Variants in LRFN1 observed in about 807,000 individuals in gnomAD.
LRFN1 encodes the protein leucine-rich repeat and fibronectin type III domain-containing protein 1.
LRFN1 carries 20 observed loss-of-function variants against 31.8 expected under a neutral mutation model. That is an observed-to-expected ratio of 0.63 (90% CI 0.44 to 0.91). LRFN1 has a LOEUF of 0.91. Ranked by LOEUF, LRFN1 falls within the 40% of genes least tolerant of loss-of-function variation. The probability of loss-of-function intolerance (pLI) is 0.00; values close to 1 mark genes in which losing one functional copy is unlikely to be tolerated. For missense variants in LRFN1, 912 were observed against 1,129.8 expected (o/e 0.81, Z 2.76); for synonymous variants, 514 against 541.3 (o/e 0.95, Z 0.70).
Position 39,307,874 on chromosome 19 carries a change from C to T in LRFN1, c.2075G>A (p.Gly692Glu). 1 of 1,541,330 alleles carries T rather than the reference C, an allele frequency of 6.5e-7. No homozygotes were observed. Among genetic ancestry groups the T allele is most frequent in the Non-Finnish European group, 8.7e-7 (1 of 1,150,080 alleles). The change falls in exon 5 of 5, where the codon GGG (glycine) becomes GAG (glutamate). Residue 692 changes from glycine (G) to glutamate (E), a missense_variant. Coordinates refer to ENST00000248668, the MANE Select transcript of LRFN1 (RefSeq NM_020862.2). This position sits in a 1 kb window ranked among gnomAD's most constrained non-coding sequence, Gnocchi z 6.7. ...CGGCCTCGGCCGGGCCGCGGCTCCC[C>T]CAGGAACTAGAGCTAGAGTAGGGGG... ...SAPPTLALVP[G>E]GAAARPRPQQ...
rs1052960227 is a variant in LRFN1, at chr19:39,308,402, G to A, written c.1547C>T (p.Thr516Ile). 1.2e-6 allele frequency: 2 copies of A among 1,611,466 alleles called. No individual in the cohort carries two copies. Among genetic ancestry groups the A allele is most frequent in the Admixed American group, 1.7e-5 (1 of 59,852 alleles). Reference sequence around the variant, plus strand: ...GCAGGGCGCCGGATCCCCAGCGGTGGTGAACTGTACACAGCCCACCACTCG... The same window carrying A: ...GCAGGGCGCCGGATCCCCAGCGGTGATGAACTGTACACAGCCCACCACTCG... ...ATRVVGCVQFTTAGDPAPCRP... is the reference protein window; with the variant it reads ...ATRVVGCVQFITAGDPAPCRP... The change falls in exon 5 of 5, where the codon ACC becomes ATC. Residue 516 changes from threonine (T) to isoleucine (I), a missense_variant. Coordinates refer to ENST00000248668, the MANE Select transcript of LRFN1 (RefSeq NM_020862.2). The surrounding 1 kb of genome is among the most constrained non-coding windows in gnomAD (Gnocchi z 6.2).
chr19:39,309,227 G>C (rs1464291504), intron 4 of LRFN1, among the ~76,000 whole-genome samples: 2 of 152,148 alleles, frequency 1.3e-5, no homozygotes, highest in Non-Finnish European at 2.9e-5. Context: ...AGGCTAAGAA[G>C]GGTGGATCAC....
At chr19:39,312,071 T>C (rs1040834680) in intron 4 of LRFN1, among the ~76,000 whole-genome samples, 10 of 152,116 alleles carry the variant, frequency 6.6e-5, no homozygotes, top group African/African-American at 2.4e-4. Flanking sequence ...GGTTTCACCA[T>C]GTTGGCCAGG....
chr19:39,306,755 ACAC>A lies in LRFN1; in HGVS notation c.*875_*877del, dbSNP rs2075129894. The A allele has an allele frequency of 6.5e-6, 1 of 153,612 alleles. No homozygotes were observed. Among genetic ancestry groups the A allele is most frequent in the African/African-American group, 2.4e-5 (1 of 41,264 alleles). The allele number at this position is 153,612 out of a possible 1,614,324, so 9.5% of individuals were successfully genotyped here. A position where few individuals can be genotyped will look rare whatever the true frequency, so the allele number is the denominator to read the frequency against. Reference sequence around the variant, plus strand: ...AACACACACACACACACACACACACACACACACACACACACACTACACGCGGAC... The same window carrying A: ...AACACACACACACACACACACACACAACACACACACACACTACACGCGGAC... On this transcript the variant is annotated 3_prime_UTR_variant, in exon 5 of 5. Coordinates refer to ENST00000248668, the MANE Select transcript of LRFN1 (RefSeq NM_020862.2).
chr19:39,314,498 T>C lies in LRFN1; in HGVS notation c.839A>G (p.His280Arg). The part of the protein sequence containing the change: ...DDLETCATPE[H>R]LTDRYFWSIP... ...GGACCAGAAGTAGCGGTCGGTGAGGTGTTCGGGCGTGGCGCAGGTCTCTAA... is the reference window on the plus strand; with the variant it reads ...GGACCAGAAGTAGCGGTCGGTGAGGCGTTCGGGCGTGGCGCAGGTCTCTAA... Residue 280 changes from histidine to arginine, a missense_variant, in exon 4 of 5, where the codon CAC (histidine) becomes CGC (arginine). This residue lies in a region of LRFN1 where 401 missense variants were observed against 572.7 expected (regional missense o/e 0.70). Transcript: ENST00000248668. 2 of 1,610,010 alleles carry C rather than the reference T, an allele frequency of 1.2e-6. No homozygotes were observed. The highest frequency in any genetic ancestry group is 1.7e-6 in the Non-Finnish European group (2 of 1,179,012).
At chr19:39,312,800 C>CA (rs34184676) in intron 4 of LRFN1, among the ~76,000 whole-genome samples, 156 of 93,704 alleles carry the variant, frequency 1.7e-3, no homozygotes, top group Middle Eastern at 7.5e-3. Context: ...AAGACCCTGC[C>CA]AAAAAAAAAA....
chr19:39,317,277 T>C (rs1445881589), intron 2 of LRFN1, among the ~76,000 whole-genome samples: 1 of 151,788 alleles, frequency 6.6e-6, no homozygotes, highest in Non-Finnish European at 1.5e-5. Flanking sequence ...AGAGAGACAA[T>C]GACCGGGCTG....
rs765556872 is a variant in LRFN1 at position 39,308,801 on chromosome 19, G to A, written c.1407-259C>T. ...CACTGGGACAATATATCTATCATTCGTATTACCTCCTCTGCATATCCCGGC... is the reference window on the plus strand; with the variant it reads ...CACTGGGACAATATATCTATCATTCATATTACCTCCTCTGCATATCCCGGC... On this transcript the variant is annotated intron_variant, in intron 4 of 4. Coordinates refer to ENST00000248668, the MANE Select transcript of LRFN1 (RefSeq NM_020862.2). This position sits in a 1 kb window ranked among gnomAD's most constrained non-coding sequence, Gnocchi z 6.2. Among the ~76,000 whole-genome samples the A allele has an allele frequency of 9.9e-5, 15 of 152,056 alleles. No individual in the cohort carries two copies. Among genetic ancestry groups the A allele is most frequent in the Non-Finnish European group, 1.8e-4 (12 of 68,024 alleles).
chr19:39,313,258 C>T (rs953310601), intron 4 of LRFN1, among the ~76,000 whole-genome samples: 2 of 152,160 alleles, frequency 1.3e-5, no homozygotes, highest in Non-Finnish European at 2.9e-5. Context: ...AGGCTAGGCA[C>T]GGTGGCTCAC....
In LRFN1 at chr19:39,308,871, G is replaced by A. The variant is rs1345392669; in HGVS notation, c.1407-329C>T. On this transcript the variant is annotated intron_variant, in intron 4 of 4. Transcript: ENST00000248668. This position sits in a 1 kb window ranked among gnomAD's most constrained non-coding sequence, Gnocchi z 6.2. ...TATGGCTTTTAAGCCCTGCCCTCAAGGGACATGCTCCCTAGCTATGTCTCA... is the reference window on the plus strand; with the variant it reads ...TATGGCTTTTAAGCCCTGCCCTCAAAGGACATGCTCCCTAGCTATGTCTCA... Among the ~76,000 whole-genome samples, 10 of 152,178 alleles carry A rather than the reference G, an allele frequency of 6.6e-5. No individual in the cohort carries two copies. Among genetic ancestry groups the A allele is most frequent in the Admixed American group, 2.6e-4 (4 of 15,276 alleles).
At position 39,307,973 on chromosome 19, in the gene LRFN1, G is replaced by T; in HGVS notation, c.1976C>A (p.Ser659Tyr). Residue 659 changes from serine to tyrosine, a missense_variant, in exon 5 of 5, where the codon TCC (serine) becomes TAC (tyrosine). Ser to Tyr is a moderately radical substitution (Grantham distance 144, BLOSUM62 -2). Transcript: ENST00000248668. The surrounding 1 kb of genome is among the most constrained non-coding windows in gnomAD (Gnocchi z 6.7). ...SLCLLPSEET[S>Y]GEESRAAVGP... is the part of the protein sequence containing the mutation. ...CACCGCGGCCCGAGACTCCTCCCCG[G>T]AAGTTTCCTCGGATGGCAGCAGGCA... 3 of 1,580,590 alleles carry T rather than the reference G, an allele frequency of 1.9e-6. No individual in the cohort carries two copies. Among genetic ancestry groups the T allele is most frequent in the East Asian group, 2.3e-5 (1 of 43,390 alleles).
At position 39,307,700 on chromosome 19, in the gene LRFN1, C is replaced by A; in HGVS notation, c.2249G>T (p.Gly750Val). The change falls in exon 5 of 5, where the codon GGG becomes GTG. Residue 750 changes from glycine (G) to valine (V), a missense_variant. Physicochemically the swap from Gly to Val is moderately radical, Grantham distance 109. Transcript: ENST00000248668. The surrounding 1 kb of genome is among the most constrained non-coding windows in gnomAD (Gnocchi z 6.7). ...GGAAGEDGDL[G>V]LGSARACLAF... ...CAGGCACGCCCTGGCGGAGCCCAGCCCCAGGTCTCCATCCTCCCCGGCCGC... is the reference window on the plus strand; with the variant it reads ...CAGGCACGCCCTGGCGGAGCCCAGCACCAGGTCTCCATCCTCCCCGGCCGC... 2 of 1,513,522 alleles carry A rather than the reference C, an allele frequency of 1.3e-6. No individual in the cohort carries two copies. The highest frequency in any genetic ancestry group is 8.8e-7 in the Non-Finnish European group (1 of 1,140,746). 93.8% of individuals were successfully genotyped at this position (1,513,522 alleles called of 1,614,324 possible).
intron 1 of LRFN1, among the ~76,000 whole-genome samples, chr19:39,319,010 CCTTGTGCCAGGGCACAGACACATGTGT>C (rs1213216790): frequency 6.6e-6 from 1 of 152,220 alleles, no homozygotes; most frequent in Non-Finnish European, 1.5e-5. Context: ...GTAGGGACAG[CCTTGTGCCAGGGCACAGACACATGTGT>C]CTTTCACATA....
Position 39,308,445 on chromosome 19 carries a change from T to A in LRFN1, c.1504A>T (p.Thr502Ser). ...CVLAVYDDGA[T>S]ALPATRVVGC... ...ACCACTCGCGTTGCCGGCAGCGCTG[T>A]GGCCCCGTCGTCGTAGACCGCCAGC... Residue 502 changes from threonine to serine, a missense_variant, in exon 5 of 5, where the codon ACA becomes TCA. Around this residue, in one of 2 missense-constraint regions of LRFN1, gnomAD observed 511 missense variants for 557.0 expected, o/e 0.92. Coordinates refer to ENST00000248668, the MANE Select transcript of LRFN1 (RefSeq NM_020862.2). This position sits in a 1 kb window ranked among gnomAD's most constrained non-coding sequence, Gnocchi z 6.2. 6.2e-7 allele frequency: 1 copy of A among 1,610,438 alleles called. No homozygotes were observed. The highest frequency in any genetic ancestry group is 8.5e-7 in the Non-Finnish European group (1 of 1,179,556).
At position 39,314,743 on chromosome 19, in the gene LRFN1, G is replaced by T. The variant is rs1449354783; in HGVS notation, c.594C>A (p.Ile198=). ...LNTLTLDHNL[I]DHIAEGTFVQ... ...CGAAGGTCCCCTCCGCGATGTGGTC[G>T]ATGAGGTTGTGGTCCAGCGTGAGGG... is the stretch of plus-strand genomic sequence containing the variant. Residue 198 remains isoleucine, a synonymous_variant, in exon 4 of 5, where the codon ATC becomes ATA. Transcript: ENST00000248668. 6.2e-7 allele frequency: 1 copy of T among 1,613,120 alleles called. No homozygotes were observed. Among genetic ancestry groups the T allele is most frequent in the Non-Finnish European group, 8.5e-7 (1 of 1,179,474 alleles).
Position 39,308,284 on chromosome 19 carries a change from G to A in LRFN1, c.1665C>T (p.Leu555=). The change falls in exon 5 of 5, where the codon CTC becomes CTT. Residue 555 remains leucine (L), a synonymous_variant. Coordinates refer to ENST00000248668, the MANE Select transcript of LRFN1 (RefSeq NM_020862.2). This position sits in a 1 kb window ranked among gnomAD's most constrained non-coding sequence, Gnocchi z 6.2. ...VASVLVFIVL[L]MIRYKVYGDG... Reference sequence around the variant, plus strand: ...CGCCATACACCTTATAGCGGATCATGAGCAGAACGATGAAGACGAGGACCG... The same window carrying A: ...CGCCATACACCTTATAGCGGATCATAAGCAGAACGATGAAGACGAGGACCG... 2 of 1,613,366 alleles carry A rather than the reference G, an allele frequency of 1.2e-6. No individual in the cohort carries two copies. Among genetic ancestry groups the A allele is most frequent in the Non-Finnish European group, 1.7e-6 (2 of 1,179,676 alleles).
chr19:39,308,421 C>T lies in LRFN1; in HGVS notation c.1528G>A (p.Val510Met), dbSNP rs1460566780. 6.2e-7 allele frequency: 1 copy of T among 1,611,214 alleles called. No homozygotes were observed. Among genetic ancestry groups the T allele is most frequent in the Non-Finnish European group, 8.5e-7 (1 of 1,179,434 alleles). The part of the protein sequence containing the change: ...GATALPATRV[V>M]GCVQFTTAGD... ...GCGGTGGTGAACTGTACACAGCCCACCACTCGCGTTGCCGGCAGCGCTGTG... is the reference window on the plus strand; with the variant it reads ...GCGGTGGTGAACTGTACACAGCCCATCACTCGCGTTGCCGGCAGCGCTGTG... Residue 510 changes from valine (V) to methionine (M), a missense_variant, in exon 5 of 5, where the codon GTG becomes ATG. By Grantham distance (21) the Val-to-Met change is conservative. Transcript: ENST00000248668. The surrounding 1 kb of genome is among the most constrained non-coding windows in gnomAD (Gnocchi z 6.2).
Position 39,315,141 on chromosome 19 carries a change from G to A in LRFN1, c.196C>T (p.Arg66Cys). The A allele has an allele frequency of 2.5e-6, 4 of 1,591,660 alleles. No individual in the cohort carries two copies. The highest frequency in any genetic ancestry group is 2.6e-6 in the Non-Finnish European group (3 of 1,176,182). The change falls in exon 4 of 5, where the codon CGC becomes TGC. Residue 66 changes from arginine (R) to cysteine (C), a missense_variant. Coordinates refer to ENST00000248668, the MANE Select transcript of LRFN1 (RefSeq NM_020862.2). The surrounding 1 kb of genome is among the most constrained non-coding windows in gnomAD (Gnocchi z 4.7). ...LLFVPPAIDR[R>C]VVELRLTDNF... ...TCGGTGAGCCGCAGCTCCACCACGC[G>A]CCGGTCGATGGCGGGCGGCACAAAG...
At chr19:39,312,580 A>G (rs1232701050) in intron 4 of LRFN1, among the ~76,000 whole-genome samples, 13 of 152,062 alleles carry the variant, frequency 8.5e-5, no homozygotes, top group Admixed American at 8.5e-4. Context: ...AGGCAGGAGG[A>G]TCACTTCAGC....
Sources: allele counts gnomAD v4.1 joint callset (sites outside exome capture counted in the v4.1 genomes callset), GRCh38; gene constraint gnomAD v4.1.1; regional missense constraint gnomAD v4.1.1; non-coding constraint Gnocchi (gnomAD v3.1); transcripts MANE v1.5; gene names NCBI Gene and HGNC (gene_info 2026-07-23, HGNC 2026-07-21).